Variants in SGCZ observed in about 807,000 individuals in gnomAD.
The protein encoded by SGCZ is zeta-sarcoglycan.
In SGCZ, 40 loss-of-function variants were observed where a neutral mutation model predicts 41.3. That is an observed-to-expected ratio of 0.97 (90% confidence interval 0.75 to 1.26). The LOEUF (loss-of-function observed/expected upper bound fraction) is 1.26. Among genes scored for constraint, SGCZ ranks in the 50% most tolerant of loss-of-function variants. The pLI, the probability that SGCZ is intolerant of heterozygous loss-of-function variation, is 0.00. For missense variants in SGCZ, 552 were observed against 369.8 expected, an observed-to-expected ratio of 1.49 and a Z score of -4.04; for synonymous variants, 206 against 137.5, an observed-to-expected ratio of 1.50 and a Z score of -3.49.
chr8:14,374,139 A>C (rs1430383672), intron 2 of SGCZ, among the ~76,000 whole-genome samples: 1 of 152,208 alleles, frequency 6.6e-6, no homozygotes, highest in Non-Finnish European at 1.5e-5. Context: ...GCACTTTGGA[A>C]GGCCGAGGCA....
chr8:14,904,647 T>C lies in SGCZ; in HGVS notation c.39+332938A>G, dbSNP rs534987767. ...CAACTGCACAATTTATTGAGGGTTT[T>C]AGTGAAAGAGATTCTCTCCTCAATA... is the stretch of plus-strand genomic sequence containing the variant. On this transcript the variant is annotated intron_variant, in intron 1 of 7. Transcript: ENST00000382080. 1.2e-4 allele frequency among the ~76,000 whole-genome samples: 19 copies of C among 152,166 alleles called. No individual in the cohort carries two copies. In the South Asian group the frequency reaches 3.9e-3, roughly 32 times the overall value.
chr8:14,387,811 T>G (rs1804628890), intron 2 of SGCZ, among the ~76,000 whole-genome samples: 1 of 152,144 alleles, frequency 6.6e-6, no homozygotes, highest in Non-Finnish European at 1.5e-5. Flanking sequence ...AGTTTTAGTC[T>G]TCATCTGGTC....
intron 2 of SGCZ, among the ~76,000 whole-genome samples, chr8:14,370,546 ATCTT>A: frequency 6.6e-6 from 1 of 152,042 alleles, no homozygotes; most frequent in East Asian, 1.9e-4. Context: ...TGATACCTAA[ATCTT>A]TATATTCTTA....
rs533607603 is a variant in SGCZ, at chr8:14,416,208, T to A, written c.235-92004A>T. 3.9e-5 allele frequency among the ~76,000 whole-genome samples: 6 copies of A among 152,002 alleles called. No individual in the cohort carries two copies. In the South Asian group the frequency reaches 1.2e-3, roughly 32 times the overall value. On this transcript the variant is annotated intron_variant, in intron 2 of 7. Transcript: ENST00000382080. ...TTTATATCAGAATGAGGAAACACAT[T>A]CTTGCCAGAAGGCCTCCTTTAAGGC...
intron 1 of SGCZ, among the ~76,000 whole-genome samples, chr8:14,736,001 T>G (rs769137086): frequency 2.0e-5 from 3 of 152,020 alleles, no homozygotes; most frequent in Non-Finnish European, 4.4e-5. Context: ...AGTATGGAGA[T>G]TGTAAGCAGG....
intron 2 of SGCZ, among the ~76,000 whole-genome samples, chr8:14,482,718 A>G (rs543611317): frequency 6.6e-6 from 1 of 152,100 alleles, no homozygotes; most frequent in African/African-American, 2.4e-5. Flanking sequence ...GGATCATACA[A>G]CCTGCTGAGG....
chr8:14,533,077 G>T (rs1198468808), intron 2 of SGCZ, among the ~76,000 whole-genome samples: 1 of 151,944 alleles, frequency 6.6e-6, no homozygotes, highest in South Asian at 2.1e-4. Flanking sequence ...CATGTGCCAT[G>T]TTGGTATGCT....
chr8:14,716,019 T>C (rs534564670), intron 1 of SGCZ, among the ~76,000 whole-genome samples: 1 of 152,162 alleles, frequency 6.6e-6, no homozygotes, highest in Non-Finnish European at 1.5e-5. Flanking sequence ...GCCAAATTAA[T>C]AAAATTATAG....
chr8:14,688,625 G>A (rs552152063), intron 1 of SGCZ, among the ~76,000 whole-genome samples: 1 of 152,092 alleles, frequency 6.6e-6, no homozygotes, highest in Admixed American at 6.6e-5. Context: ...AAATCAGGTA[G>A]CGTGACGCCT....
At chr8:14,931,041 T>G (rs1799911104) in intron 1 of SGCZ, among the ~76,000 whole-genome samples, 1 of 152,190 alleles carries the variant, frequency 6.6e-6, no homozygotes, top group East Asian at 1.9e-4. Context: ...TTGAATACAT[T>G]ATTTTGCATA....
intron 1 of SGCZ, among the ~76,000 whole-genome samples, chr8:14,900,784 C>T (rs957086157): frequency 6.6e-6 from 1 of 152,186 alleles, no homozygotes; most frequent in Admixed American, 6.5e-5. Flanking sequence ...TGACTATTAT[C>T]TACAATTCCA....
chr8:14,704,214 G>T (rs1280963028), intron 1 of SGCZ, among the ~76,000 whole-genome samples: 2 of 151,954 alleles, frequency 1.3e-5, no homozygotes, highest in African/African-American at 4.8e-5. Context: ...GTGTTAGTAA[G>T]CTAATAATAA....
At chr8:15,160,182 C>A (rs1390690732) in intron 1 of SGCZ, among the ~76,000 whole-genome samples, 1 of 152,074 alleles carries the variant, frequency 6.6e-6, no homozygotes, top group Non-Finnish European at 1.5e-5. Context: ...GTGAATCTGA[C>A]TACTCTAGAC....
At chr8:14,660,756 C>A (rs182898368) in intron 1 of SGCZ, among the ~76,000 whole-genome samples, 4 of 151,958 alleles carry the variant, frequency 2.6e-5, no homozygotes, top group African/African-American at 4.8e-5. Context: ...GAAAGCTTGG[C>A]ATTCTCAAAA....
chr8:14,125,991 A>G (rs1012223785), intron 5 of SGCZ, among the ~76,000 whole-genome samples: 16 of 152,386 alleles, frequency 1.0e-4, no homozygotes, highest in Admixed American at 3.9e-4. Flanking sequence ...AGATAGATTA[A>G]AGACATAAAT....
At chr8:14,258,506 A>G (rs189699260) in intron 3 of SGCZ, among the ~76,000 whole-genome samples, 15 of 152,314 alleles carry the variant, frequency 9.8e-5, no homozygotes, top group Admixed American at 7.2e-4. Flanking sequence ...AAAGTTCTTC[A>G]TTAGGTTAAT....
intron 1 of SGCZ, among the ~76,000 whole-genome samples, chr8:15,068,353 C>G (rs1475373447): frequency 6.6e-6 from 1 of 152,170 alleles, no homozygotes; most frequent in African/African-American, 2.4e-5. Flanking sequence ...CACACTGTAA[C>G]CCACTGGTAA....
At chr8:15,164,767 G>C (rs1011378863) in intron 1 of SGCZ, among the ~76,000 whole-genome samples, 1 of 151,966 alleles carries the variant, frequency 6.6e-6, no homozygotes, top group African/African-American at 2.4e-5. Flanking sequence ...GGCCAATCTG[G>C]TGTGCTTTGC....
chr8:14,567,594 A>G (rs564544236), intron 1 of SGCZ, among the ~76,000 whole-genome samples: 4 of 152,284 alleles, frequency 2.6e-5, no homozygotes, highest in African/African-American at 9.6e-5. Context: ...GAATAAAAGC[A>G]GGCTGCCTAA....
Sources: gnomAD v4.1 joint callset for allele counts (sites outside exome capture counted in the v4.1 genomes callset) on GRCh38, gnomAD v4.1.1 for gene constraint, MANE v1.5 for transcripts, NCBI Gene and HGNC (gene_info 2026-07-23, HGNC 2026-07-21) for gene names.